The following TANC2 variants were observed in gnomAD, a reference collection of about 807,000 sequenced individuals.
TANC2 encodes the protein tetratricopeptide repeat, ankyrin repeat and coiled-coil containing 2.
Under a neutral mutation model 210.5 loss-of-function variants are expected in TANC2, and 26 were observed. The ratio of observed to expected loss-of-function variants is 0.12; its 90% CI spans 0.09 to 0.17. The LOEUF (loss-of-function observed/expected upper bound fraction) is 0.17. Among genes scored for constraint, TANC2 ranks in the 10% least tolerant of loss-of-function variants. The pLI, the probability that TANC2 is intolerant of heterozygous loss-of-function variation, is 1.00. For synonymous variants in TANC2, 931 were observed against 967.1 expected (o/e 0.96, Z 0.69); for missense variants, 2,129 against 2,608.9 (o/e 0.82, Z 4.01).
At chr17:63,409,390 T>C (rs1459959283) in intron 21 of TANC2, among the ~76,000 whole-genome samples, 1 of 152,126 alleles carries the variant, frequency 6.6e-6, no homozygotes, top group Non-Finnish European at 1.5e-5. Context: ...CTCACCATGT[T>C]GCCCAGGCTG....
intron 2 of TANC2, among the ~76,000 whole-genome samples, chr17:63,016,382 C>T (rs2034110878): frequency 6.6e-6 from 1 of 152,170 alleles, no homozygotes; most frequent in Non-Finnish European, 1.5e-5. Flanking sequence ...CGAGACCAGC[C>T]TGGCCAATAT....
At chr17:63,405,673 T>C (rs1026296214) in intron 20 of TANC2, among the ~76,000 whole-genome samples, 1 of 152,204 alleles carries the variant, frequency 6.6e-6, no homozygotes, top group Admixed American at 6.5e-5. Context: ...AATGTTAATT[T>C]ATACACTTAG....
chr17:63,402,576 G>A (rs1020280969), intron 19 of TANC2, among the ~76,000 whole-genome samples: 3 of 152,090 alleles, frequency 2.0e-5, no homozygotes, highest in Admixed American at 6.5e-5. Flanking sequence ...GTATCTCTGC[G>A]TTCTCTTTAG....
Position 63,420,492 on chromosome 17 carries a change from C to T in TANC2, c.4762C>T (p.His1588Tyr). The T allele has an allele frequency of 6.2e-7, 1 of 1,613,984 alleles. No homozygotes were observed. The highest frequency in any genetic ancestry group is 1.1e-5 in the South Asian group (1 of 91,086). The change falls in exon 28 of 28, where the codon CAC becomes TAC. Residue 1588 changes from histidine to tyrosine, a missense_variant. This residue lies in a region of TANC2 where 584 missense variants were observed against 627.3 expected (regional missense o/e 0.93). Coordinates refer to ENST00000689528, the Ensembl canonical transcript of TANC2. The surrounding 1 kb of genome is among the most constrained non-coding windows in gnomAD (Gnocchi z 4.2). ...CTCACATTACAGGCCTAGCCCACCA[C>T]ACACTTCCCCGGCTCATCAGGGAGG...
At chr17:63,322,355 G>A (rs1166914739) in intron 11 of TANC2, among the ~76,000 whole-genome samples, 6 of 152,166 alleles carry the variant, frequency 3.9e-5, no homozygotes, top group East Asian at 1.9e-4. Flanking sequence ...AAAATTAGCC[G>A]GGCGTGGTGG....
chr17:63,188,642 G>A (rs1225487168), intron 5 of TANC2, among the ~76,000 whole-genome samples: 3 of 150,752 alleles, frequency 2.0e-5, no homozygotes, highest in Admixed American at 1.3e-4. Context: ...CTAGTTAATT[G>A]TATTCTCCCA....
chr17:63,397,147 C>T (rs2048190713), intron 18 of TANC2, among the ~76,000 whole-genome samples: 1 of 151,948 alleles, frequency 6.6e-6, no homozygotes, highest in South Asian at 2.1e-4. Flanking sequence ...TGGCAGTAGG[C>T]ACCTGTAATC....
chr17:63,415,579 T>C (rs780728787), exon 26 of TANC2: 1 of 1,613,914 alleles, frequency 6.2e-7, no homozygotes, highest in South Asian at 1.1e-5. Context: ...CCTGAAGAAG[T>C]TCCCTAGAGA....
chr17:63,176,730 C>T (rs539785387), intron 5 of TANC2, among the ~76,000 whole-genome samples: 118 of 148,008 alleles, frequency 8.0e-4, no homozygotes, highest in African/African-American at 2.5e-3. Flanking sequence ...GGCCTGAACC[C>T]GGGAGGCGGA....
intron 3 of TANC2, among the ~76,000 whole-genome samples, chr17:63,094,627 G>A (rs1181001387): frequency 6.6e-6 from 1 of 152,102 alleles, no homozygotes; most frequent in Non-Finnish European, 1.5e-5. Flanking sequence ...GTCTTCAATG[G>A]AAGAGTTTCT....
At chr17:63,048,931 G>A (rs748250813) in intron 2 of TANC2, among the ~76,000 whole-genome samples, 8 of 152,080 alleles carry the variant, frequency 5.3e-5, no homozygotes, top group Non-Finnish European at 8.8e-5. Flanking sequence ...AAACCTCACA[G>A]GTACATCTAA....
At chr17:63,263,882 T>A (rs2043443023) in intron 8 of TANC2, among the ~76,000 whole-genome samples, 1 of 152,204 alleles carries the variant, frequency 6.6e-6, no homozygotes, top group South Asian at 2.1e-4. Flanking sequence ...TAAGCCATAC[T>A]CAGATGTTGA....
At chr17:63,135,352 T>C (rs2039055101) in intron 4 of TANC2, among the ~76,000 whole-genome samples, 1 of 152,230 alleles carries the variant, frequency 6.6e-6, no homozygotes, top group Non-Finnish European at 1.5e-5. Context: ...TATTTTGAGA[T>C]ATTTATTGAG....
chr17:62,980,109 G>A lies in TANC2; in HGVS notation c.-24+13360G>A, dbSNP rs974015547. On this transcript the variant is annotated intron_variant, in intron 1 of 27. Transcript: ENST00000689528. ...TATTGTCAGTCACCTGTAAAACACC[G>A]TTTCTTTTTAACCTCTTCTCTAAAC... Among the ~76,000 whole-genome samples the A allele has an allele frequency of 4.6e-5, 7 of 152,066 alleles. No individual in the cohort carries two copies. In the East Asian group the frequency reaches 7.7e-4, roughly 17 times the overall value.
intron 9 of TANC2, among the ~76,000 whole-genome samples, chr17:63,309,166 TGA>T (rs1252837069): frequency 2.6e-5 from 4 of 152,042 alleles, no homozygotes; most frequent in Non-Finnish European, 5.9e-5. Flanking sequence ...GCAAAAAATG[TGA>T]GTGTGTGTAT....
chr17:63,252,152 ATC>A (rs1374758552), intron 8 of TANC2, among the ~76,000 whole-genome samples: 1 of 152,150 alleles, frequency 6.6e-6, no homozygotes, highest in Non-Finnish European at 1.5e-5. Flanking sequence ...ACAGTATAAG[ATC>A]TCTCATAGTT....
rs972772027 is a variant in TANC2, at chr17:63,342,222, AATT to A, written c.1807+1901_1807+1903del. Among the ~76,000 whole-genome samples the A allele has an allele frequency of 1.4e-4, 22 of 151,864 alleles. 1 individual carries two copies. Among genetic ancestry groups the A allele is most frequent in the East Asian group, 3.9e-4 (2 of 5,188 alleles). On this transcript the variant is annotated intron_variant, in intron 12 of 27. Coordinates refer to ENST00000689528, the Ensembl canonical transcript of TANC2. ...CACATAATGTATAACAAGAATTTAAAATTATTATTATTAATATTTATTAAATAT... is the reference window on the plus strand; with the variant it reads ...CACATAATGTATAACAAGAATTTAAAATTATTATTAATATTTATTAAATAT...
At chr17:63,360,583 C>A (rs927108427) in intron 14 of TANC2, among the ~76,000 whole-genome samples, 1 of 151,946 alleles carries the variant, frequency 6.6e-6, no homozygotes, top group African/African-American at 2.4e-5. Context: ...GTGTAATAAT[C>A]ACATCAGGGT....
chr17:63,183,496 A>C (rs1367012229), intron 5 of TANC2, among the ~76,000 whole-genome samples: 1 of 152,192 alleles, frequency 6.6e-6, no homozygotes, highest in East Asian at 1.9e-4. Flanking sequence ...TTAAATTAGT[A>C]ATGTTAAGCT....
Sources: allele counts gnomAD v4.1 joint callset (sites outside exome capture counted in the v4.1 genomes callset), GRCh38; gene constraint gnomAD v4.1.1; regional missense constraint gnomAD v4.1.1; non-coding constraint Gnocchi (gnomAD v3.1); transcripts MANE v1.5; gene names NCBI Gene and HGNC (gene_info 2026-07-23, HGNC 2026-07-21).